PCDHGA4: variants seen among roughly 807,000 people sequenced by gnomAD.
PCDHGA4 encodes protocadherin gamma subfamily A, 4.
In PCDHGA4, 38 loss-of-function variants were observed where a neutral mutation model predicts 54.6. The observed-to-expected ratio is 0.70, with a 90% CI of 0.54 to 0.91. The LOEUF (loss-of-function observed/expected upper bound fraction) is 0.91. Among genes scored for constraint, PCDHGA4 ranks in the 40% least tolerant of loss-of-function variants. PCDHGA4 has a pLI of 0.00. For missense variants in PCDHGA4, 1,298 were observed against 1,220.9 expected, an observed-to-expected ratio of 1.06 and a Z score of -0.94; for synonymous variants, 511 against 512.9, an observed-to-expected ratio of 1.00 and a Z score of 0.05.
In PCDHGA4 at chr5:141,430,950, T is replaced by A. The variant is rs756423770; in HGVS notation, c.2515-63857T>A. 7 of 1,609,862 alleles carry A rather than the reference T, an allele frequency of 4.3e-6. No individual in the cohort carries two copies. Among genetic ancestry groups the A allele is most frequent in the Non-Finnish European group, 5.1e-6 (6 of 1,178,368 alleles). On this transcript the variant is annotated intron_variant, in intron 1 of 3. Transcript: ENST00000571252. ...CCCCGGGAGCTCGCGGAGCGCGGAG[T>A]CCGCATCATCCCCAGAGGTAGGACG... is the stretch of plus-strand genomic sequence containing the variant.
At chr5:141,498,967 GGGAGGGAAGGAAGGAAGGAA>G (rs1464205074) in intron 2 of PCDHGA4, among the ~76,000 whole-genome samples, 5 of 129,584 alleles carry the variant, frequency 3.9e-5, no homozygotes, top group African/African-American at 1.6e-4. Flanking sequence ...GAGGGAGGGA[GGGAGGGAAGGAAGGAAGGAA>G]GGAAGGAAGG....
intron 1 of PCDHGA4, among the ~76,000 whole-genome samples, chr5:141,472,242 A>T (rs1342571385): frequency 6.6e-6 from 1 of 152,186 alleles, no homozygotes; most frequent in East Asian, 1.9e-4. Flanking sequence ...TTCACTTTCT[A>T]TTTTAAAGTT....
intron 2 of PCDHGA4, among the ~76,000 whole-genome samples, chr5:141,500,184 TTTTATTTATTTATTTATTTA>T (rs58019021): frequency 1.5e-5 from 2 of 135,966 alleles, no homozygotes; most frequent in Non-Finnish European, 3.2e-5. Flanking sequence ...TCATTTTTAT[TTTTATTTATTTATTTATTTA>T]TTTATTTATT....
intron 1 of PCDHGA4, among the ~76,000 whole-genome samples, chr5:141,446,153 AT>A (rs1158236808): frequency 1.3e-5 from 2 of 152,362 alleles, no homozygotes; most frequent in East Asian, 3.9e-4. Flanking sequence ...TAGGTGGAAT[AT>A]AAATTTCATG....
chr5:141,393,170 A>G (rs746908655), intron 1 of PCDHGA4: 1 of 1,613,286 alleles, frequency 6.2e-7, no homozygotes, highest in South Asian at 1.1e-5. Context: ...TCTTTGGGGT[A>G]GAAATAGAAA....
At chr5:141,388,935 C>T (rs1215680251) in intron 1 of PCDHGA4, 2 of 1,613,984 alleles carry the variant, frequency 1.2e-6, no homozygotes, top group South Asian at 1.1e-5. Flanking sequence ...CCAGTCTCTA[C>T]CCAACCTAAT....
In PCDHGA4 at chr5:141,355,957, G is replaced by C; in HGVS notation, c.850G>C (p.Glu284Gln). The part of the protein sequence containing the change: ...TQPEYHVSVR[E>Q]NVPVGTRLLT... ...GCCCGAGTACCACGTAAGTGTTCGT[G>C]AGAACGTTCCTGTAGGCACTCGGCT... Residue 284 changes from glutamate to glutamine, a missense_variant, in exon 1 of 4, where the codon GAG (glutamate) becomes CAG (glutamine). Coordinates refer to ENST00000571252, the MANE Select transcript of PCDHGA4 (RefSeq NM_018917.4). The C allele has an allele frequency of 6.2e-7, 1 of 1,613,890 alleles. No individual in the cohort carries two copies. Among genetic ancestry groups the C allele is most frequent in the Non-Finnish European group, 8.5e-7 (1 of 1,179,864 alleles).
rs926814527 is a variant in PCDHGA4 at position 141,388,113 on chromosome 5, G to A, written c.2514+30492G>A. 7 of 1,412,244 alleles carry A rather than the reference G, an allele frequency of 5.0e-6. No individual in the cohort carries two copies. Among genetic ancestry groups the A allele is most frequent in the African/African-American group, 4.3e-5 (3 of 69,434 alleles). 87.5% of individuals were successfully genotyped at this position (1,412,244 alleles called of 1,614,324 possible). On this transcript the variant is annotated intron_variant, in intron 1 of 3. Transcript: ENST00000571252. ...CAGTTCGGAGAAGCCTTACTTCACCGTGAGCGCAGAGAGCGGGGAGTTGCT... is the reference window on the plus strand; with the variant it reads ...CAGTTCGGAGAAGCCTTACTTCACCATGAGCGCAGAGAGCGGGGAGTTGCT...
rs760722908 is a variant in PCDHGA4 at position 141,362,262 on chromosome 5, G to A, written c.2514+4641G>A. On this transcript the variant is annotated intron_variant, in intron 1 of 3. Coordinates refer to ENST00000571252, the MANE Select transcript of PCDHGA4 (RefSeq NM_018917.4). ...TGCTCTTCTTCCTCGCGGTGATTCT[G>A]GCAATCTCCCTGCGCCTGCGACTCT... 5.0e-6 allele frequency: 8 copies of A among 1,613,888 alleles called. No homozygotes were observed. In the Admixed American group the frequency reaches 5.0e-5, roughly 10 times the overall value.
chr5:141,502,629 G>A (rs1368174848), intron 2 of PCDHGA4, among the ~76,000 whole-genome samples: 1 of 152,096 alleles, frequency 6.6e-6, no homozygotes, highest in Non-Finnish European at 1.5e-5. Context: ...GTAATCTGTG[G>A]ATGATACTTT....
intron 1 of PCDHGA4, chr5:141,384,384 C>T (rs142665639): frequency 6.2e-7 from 1 of 1,613,816 alleles, no homozygotes; most frequent in Non-Finnish European, 8.5e-7. Flanking sequence ...CCGAAGACAC[C>T]ATCCAGGGGG....
At position 141,450,051 on chromosome 5, in the gene PCDHGA4, G is replaced by C. The variant is rs576363410; in HGVS notation, c.2515-44756G>C. ...AGACAGGGTCTCACTCTTTCGCCCA[G>C]GCTGGAATGCAGTGGTATGATCTTG... On this transcript the variant is annotated intron_variant, in intron 1 of 3. Coordinates refer to ENST00000571252, the MANE Select transcript of PCDHGA4 (RefSeq NM_018917.4). Among the ~76,000 whole-genome samples, 362 of 139,654 alleles carry C rather than the reference G, an allele frequency of 2.6e-3. 1 individual carries two copies. Among genetic ancestry groups the C allele is most frequent in the South Asian group, 5.5e-3 (25 of 4,506 alleles). 91.6% of individuals were successfully genotyped at this position (139,654 alleles called of 152,430 possible). A position where few individuals can be genotyped will look rare whatever the true frequency, so the allele number is the denominator to read the frequency against.
At chr5:141,361,570 C>T in intron 1 of PCDHGA4, 1 of 1,614,036 alleles carries the variant, frequency 6.2e-7, no homozygotes, top group Non-Finnish European at 8.5e-7. Context: ...TGCCTCTGAC[C>T]CTGACTTGGG....
chr5:141,439,115 C>A (rs2098087976), intron 1 of PCDHGA4, among the ~76,000 whole-genome samples: 1 of 151,476 alleles, frequency 6.6e-6, no homozygotes, highest in Non-Finnish European at 1.5e-5. Context: ...ATCACTTGAA[C>A]CCGGGAGACA....
At chr5:141,362,053 C>T in intron 1 of PCDHGA4, 4 of 1,611,724 alleles carry the variant, frequency 2.5e-6, no homozygotes, top group Non-Finnish European at 3.4e-6. Flanking sequence ...CGCGGCCCGC[C>T]AGCGCCTGCT....
intron 1 of PCDHGA4, among the ~76,000 whole-genome samples, chr5:141,443,656 A>G (rs139300845): frequency 1.3e-5 from 2 of 152,374 alleles, no homozygotes; most frequent in East Asian, 3.8e-4. Flanking sequence ...TTAGCATAGC[A>G]TTTTACTGAA....
Position 141,357,547 on chromosome 5 carries a change from G to A in PCDHGA4, c.2440G>A (p.Glu814Lys). The A allele has an allele frequency of 1.2e-6, 2 of 1,614,214 alleles. No individual in the cohort carries two copies. Among genetic ancestry groups the A allele is most frequent in the African/African-American group, 1.3e-5 (1 of 75,068 alleles). The change falls in exon 1 of 4, where the codon GAG becomes AAG. Residue 814 changes from glutamate to lysine, a missense_variant. Coordinates refer to ENST00000571252, the MANE Select transcript of PCDHGA4 (RefSeq NM_018917.4). Reference protein sequence around the residue: ...PSYADTLISRESCEKSEPLLI... With the variant: ...PSYADTLISRKSCEKSEPLLI... ...CTATGCAGACACGCTCATCAGCCGG[G>A]AGAGTTGTGAGAAAAGCGAGCCTCT...
rs375665864 is a variant in PCDHGA4, at chr5:141,469,524, A to G, written c.2515-25283A>G. Among the ~76,000 whole-genome samples the G allele has an allele frequency of 2.4e-4, 36 of 152,260 alleles. No homozygotes were observed. The East Asian group carries it at 3.1e-3, about 13-fold the overall frequency. On this transcript the variant is annotated intron_variant, in intron 1 of 3. Coordinates refer to ENST00000571252, the MANE Select transcript of PCDHGA4 (RefSeq NM_018917.4). ...CGGGAGGTGGAGGTTGCAGTGAGCCAAGATTGTGCCACTGCACTCCAGCCT... is the reference window on the plus strand; with the variant it reads ...CGGGAGGTGGAGGTTGCAGTGAGCCGAGATTGTGCCACTGCACTCCAGCCT...
intron 2 of PCDHGA4, among the ~76,000 whole-genome samples, chr5:141,500,674 G>T (rs554174451): frequency 4.2e-4 from 64 of 152,122 alleles, no homozygotes; most frequent in Non-Finnish European, 6.6e-4. Flanking sequence ...CTGTCCAACA[G>T]AATTATAGCT....
Sources: gnomAD v4.1 joint callset for allele counts (sites outside exome capture counted in the v4.1 genomes callset) on GRCh38, gnomAD v4.1.1 for gene constraint, MANE v1.5 for transcripts, NCBI Gene and HGNC (gene_info 2026-07-23, HGNC 2026-07-21) for gene names.